Variants in LRRC43 observed in about 807,000 individuals in gnomAD.
LRRC43 encodes leucine-rich repeat-containing protein 43.
Under a neutral mutation model 64.3 loss-of-function variants are expected in LRRC43, and 62 were observed. The observed-to-expected ratio is 0.96, with a 90% confidence interval of 0.79 to 1.19. The LOEUF is 1.19. LRRC43 is among the 50% of genes most tolerant of loss of function. The probability of loss-of-function intolerance (pLI) is 0.00; values close to 1 mark genes in which losing one functional copy is unlikely to be tolerated. For synonymous variants in LRRC43, 422 were observed against 382.3 expected, an observed-to-expected ratio of 1.10 and a Z score of -1.21; for missense variants, 868 against 845.0, an observed-to-expected ratio of 1.03 and a Z score of -0.34.
At chr12:122,189,612 G>A (rs1025775199) in intron 4 of LRRC43, 14 of 392,334 alleles carry the variant, frequency 3.6e-5, no homozygotes, top group Non-Finnish European at 6.1e-5. Flanking sequence ...TTCCTCCTGG[G>A]GTCCCGCCCC....
At chr12:122,197,612 C>T (rs1953785404) in intron 7 of LRRC43, among the ~76,000 whole-genome samples, 1 of 152,080 alleles carries the variant, frequency 6.6e-6, no homozygotes, top group Non-Finnish European at 1.5e-5. Flanking sequence ...TAAACTGTTT[C>T]TCACAGGAGG....
chr12:122,181,814 C>T (rs1953584341), upstream of LRRC43, among the ~76,000 whole-genome samples: 1 of 151,114 alleles, frequency 6.6e-6, no homozygotes. Context: ...CCATGTTGAT[C>T]AGGCTGGTCT....
intron 7 of LRRC43, among the ~76,000 whole-genome samples, chr12:122,197,875 A>G (rs181831415): frequency 6.6e-6 from 1 of 152,066 alleles, no homozygotes; most frequent in Admixed American, 6.5e-5. Flanking sequence ...ATATATTTGT[A>G]TCATTCATGT....
intron 7 of LRRC43, among the ~76,000 whole-genome samples, chr12:122,197,626 G>T (rs1001167798): frequency 6.6e-6 from 1 of 152,072 alleles, no homozygotes; most frequent in Admixed American, 6.6e-5. Context: ...CAGGAGGCAT[G>T]GTAGAAAGAA....
rs202028440 is a variant in LRRC43, at chr12:122,191,615, T to C, written c.1089+48T>C. Reference sequence around the variant, plus strand: ...GAGTATGGGGGGCTCTTGTGAAGGCTGAACTGCTTTGTGGGCCCCAGGAAA... The same window carrying C: ...GAGTATGGGGGGCTCTTGTGAAGGCCGAACTGCTTTGTGGGCCCCAGGAAA... On this transcript the variant is annotated intron_variant, in intron 6 of 11. Transcript: ENST00000339777. The C allele has an allele frequency of 2.5e-5, 36 of 1,440,784 alleles. No individual in the cohort carries two copies. The African/African-American group carries it at 3.7e-4, about 15-fold the overall frequency. The allele number at this position is 1,440,784 out of a possible 1,614,324, so 89.2% of individuals were successfully genotyped here.
Position 122,191,069 on chromosome 12 carries a change from C to T in LRRC43, c.902-311C>T, listed in dbSNP as rs553581809. On this transcript the variant is annotated intron_variant, in intron 5 of 11. Coordinates refer to ENST00000339777, the MANE Select transcript of LRRC43 (RefSeq NM_001098519.2). ...GGCTTGAGATCACCCCCTTGTGGTT[C>T]ATGCCGCAAGGTGCACCGGAGGCTT... is the stretch of plus-strand genomic sequence containing the variant. Among the ~76,000 whole-genome samples, 28 of 152,340 alleles carry T rather than the reference C, an allele frequency of 1.8e-4. 2 individuals carry two copies. The South Asian group carries it at 5.6e-3, about 30-fold the overall frequency.
In LRRC43 at chr12:122,187,785, G is replaced by T. The variant is rs1228411084; in HGVS notation, c.607G>T (p.Gly203Cys). The T allele has an allele frequency of 1.2e-6, 2 of 1,614,128 alleles. No homozygotes were observed. Among genetic ancestry groups the T allele is most frequent in the Non-Finnish European group, 1.7e-6 (2 of 1,180,020 alleles). Residue 203 changes from glycine to cysteine, a missense_variant, in exon 4 of 12, where the codon GGC becomes TGC. Gly to Cys is a radical substitution (Grantham distance 159). Transcript: ENST00000339777. Reference protein sequence around the residue: ...PPAGLQHLGLGHNKLLGPLES... With the variant: ...PPAGLQHLGLCHNKLLGPLES... The stretch of plus-strand genomic sequence containing the variant: ...CGCCGGCCTGCAGCACTTGGGGTTA[G>T]GCCACAACAAACTTCTAGGCCCCTT...
At chr12:122,173,711 T>A in intron 1 of LRRC43, 2 of 724,994 alleles carry the variant, frequency 2.8e-6, no homozygotes, top group Non-Finnish European at 4.6e-6. Flanking sequence ...CATCTTTGCC[T>A]GTCTAGTTTC....
At chr12:122,171,562 A>G (rs1238690295) in intron 1 of LRRC43, among the ~76,000 whole-genome samples, 2 of 151,750 alleles carry the variant, frequency 1.3e-5, no homozygotes, top group Non-Finnish European at 2.9e-5. Flanking sequence ...GGATCTTGCT[A>G]TGTTGCCCAG....
Position 122,190,339 on chromosome 12 carries a change from A to G in LRRC43, c.872A>G (p.His291Arg), listed in dbSNP as rs1463223264. 1 of 1,613,984 alleles carries G rather than the reference A, an allele frequency of 6.2e-7. No individual in the cohort carries two copies. Among genetic ancestry groups the G allele is most frequent in the Non-Finnish European group, 8.5e-7 (1 of 1,180,008 alleles). ...ATCACCGTGTCTCCCAATGAGAAGCATCTCTTCCGGGGGCTCAGCCTCAAT... is the reference window on the plus strand; with the variant it reads ...ATCACCGTGTCTCCCAATGAGAAGCGTCTCTTCCGGGGGCTCAGCCTCAAT... Reference protein sequence around the residue: ...DDITVSPNEKHLFRGLSLNGD... With the variant: ...DDITVSPNEKRLFRGLSLNGD... The change falls in exon 5 of 12, where the codon CAT becomes CGT. Residue 291 changes from histidine to arginine, a missense_variant. By Grantham distance (29) the His-to-Arg change is conservative. Coordinates refer to ENST00000339777, the MANE Select transcript of LRRC43 (RefSeq NM_001098519.2).
At position 122,184,650 on chromosome 12, in the gene LRRC43, CT is replaced by C. The variant is rs1363117830; in HGVS notation, c.283del (p.Trp95GlyfsTer4). 3 of 1,613,992 alleles carry C rather than the reference CT, an allele frequency of 1.9e-6. No homozygotes were observed. The highest frequency in any genetic ancestry group is 1.1e-5 in the South Asian group (1 of 91,088). ...LGLVRSRHSP[W>X]ALLNNSNAED... ...GCCTGGTCCGCAGCCGCCACTCCCC[CT>C]GGGCTCTGCTGAACAACTCGAATGC... On this transcript the variant is annotated frameshift_variant, in exon 2 of 12. Coordinates refer to ENST00000339777, the MANE Select transcript of LRRC43 (RefSeq NM_001098519.2). LOFTEE classifies it high-confidence loss of function. The surrounding 1 kb of genome is among the most constrained non-coding windows in gnomAD (Gnocchi z 4.0).
rs1049362150 is a variant in LRRC43, at chr12:122,183,275, C to T, written c.131C>T (p.Pro44Leu). The change falls in exon 1 of 12, where the codon CCG becomes CTG. Residue 44 changes from proline (P) to leucine (L), a missense_variant. Coordinates refer to ENST00000339777, the MANE Select transcript of LRRC43 (RefSeq NM_001098519.2). ...HLRKLCLREF[P>L]CGAGSWNKSR... The stretch of plus-strand genomic sequence containing the variant: ...CGGAAGCTGTGTCTGCGCGAGTTCC[C>T]GTGCGGTGCCGGCAGCTGGGTGCGG... The T allele has an allele frequency of 1.9e-6, 3 of 1,545,044 alleles. No homozygotes were observed. The highest frequency in any genetic ancestry group is 1.4e-5 in the African/African-American group (1 of 70,270).
In LRRC43 at chr12:122,190,104, CCCAGACG is replaced by C. The variant is rs757438318; in HGVS notation, c.663-25_663-19del. The C allele has an allele frequency of 1.3e-6, 2 of 1,597,702 alleles. No homozygotes were observed. The highest frequency in any genetic ancestry group is 1.7e-6 in the Non-Finnish European group (2 of 1,165,260). ...CCCCTGCTCACCTGGCTTCTTGACC[CCCAGACG>C]GTCCTGCTCACCTTCCAGGCCCAAC... On this transcript the variant is annotated intron_variant, in intron 4 of 11. Coordinates refer to ENST00000339777, the MANE Select transcript of LRRC43 (RefSeq NM_001098519.2).
chr12:122,190,267 G>GC lies in LRRC43; in HGVS notation c.801dup (p.Gly268ArgfsTer22). 1.9e-6 allele frequency: 3 copies of GC among 1,614,136 alleles called. No individual in the cohort carries two copies. The highest frequency in any genetic ancestry group is 2.5e-6 in the Non-Finnish European group (3 of 1,180,032). On this transcript the variant is annotated frameshift_variant, in exon 5 of 12. Transcript: ENST00000339777. LOFTEE classifies it high-confidence loss of function. The stretch of plus-strand genomic sequence containing the variant: ...CCACTGGCCTTGGTGCCCTACTACC[G>GC]CGGCCTCACCATCGACAGCCTGGCC...
intron 1 of LRRC43, among the ~76,000 whole-genome samples, chr12:122,169,970 C>T (rs991100780): frequency 2.0e-5 from 3 of 151,896 alleles, no homozygotes; most frequent in African/African-American, 7.3e-5. Context: ...CTACACTTGG[C>T]CAGTTTTTGT....
intron 1 of LRRC43, chr12:122,167,848 T>G (rs557290733): frequency 2.0e-5 from 3 of 149,538 alleles, no homozygotes; most frequent in African/African-American, 7.4e-5. Flanking sequence ...GGAGTCTCAC[T>G]CTGTTGCCCA....
rs572069189 is a variant in LRRC43 at position 122,196,496 on chromosome 12, A to C, written c.1349+3492A>C. Among the ~76,000 whole-genome samples the C allele has an allele frequency of 1.8e-3, 271 of 152,354 alleles. 2 individuals are homozygous for C. The highest frequency in any genetic ancestry group is 6.3e-3 in the African/African-American group (261 of 41,582). Reference sequence around the variant, plus strand: ...TGGTCTGTTCTAGAGGGCTGGGCACAGTGGCTCATGCCTGTAATCCCAGCA... The same window carrying C: ...TGGTCTGTTCTAGAGGGCTGGGCACCGTGGCTCATGCCTGTAATCCCAGCA... On this transcript the variant is annotated intron_variant, in intron 7 of 11. Coordinates refer to ENST00000339777, the MANE Select transcript of LRRC43 (RefSeq NM_001098519.2).
chr12:122,185,648 G>A (rs1953634745), intron 2 of LRRC43, among the ~76,000 whole-genome samples: 1 of 152,236 alleles, frequency 6.6e-6, no homozygotes, highest in Non-Finnish European at 1.5e-5. Context: ...TAGGGTGACT[G>A]ACTGGTAGCA....
intron 3 of LRRC43, 151 bp from the exon 4 acceptor site, chr12:122,187,549 GT>G: frequency 1.7e-6 from 1 of 592,910 alleles, no homozygotes; most frequent in Non-Finnish European, 2.9e-6. Flanking sequence ...TTCTTCCTGG[GT>G]TTTTAAAAGG....
Sources: gnomAD v4.1 joint callset for allele counts (sites outside exome capture counted in the v4.1 genomes callset) on GRCh38, gnomAD v4.1.1 for gene constraint, Gnocchi (gnomAD v3.1) non-coding constraint, MANE v1.5 for transcripts, NCBI Gene and HGNC (gene_info 2026-07-23, HGNC 2026-07-21) for gene names.